The following MACROD2 variants were observed in gnomAD, a reference collection of about 807,000 sequenced individuals.
The protein encoded by MACROD2 is mono-ADP ribosylhydrolase 2, also known as ADP-ribose glycohydrolase MACROD2.
Under a neutral mutation model 70.4 loss-of-function variants are expected in MACROD2, and 36 were observed. The observed-to-expected ratio is 0.51, with a 90% CI of 0.39 to 0.68. The LOEUF is 0.68. Ranked by LOEUF, MACROD2 falls within the 30% of genes least tolerant of loss-of-function variation. MACROD2 has a pLI of 0.00. For missense variants in MACROD2, 496 were observed against 538.4 expected (o/e 0.92, Z 0.78); for synonymous variants, 172 against 178.8 (o/e 0.96, Z 0.30).
intron 3 of MACROD2, among the ~76,000 whole-genome samples, chr20:14,341,970 C>G (rs1284819989): frequency 6.6e-6 from 1 of 152,192 alleles, no homozygotes; most frequent in African/African-American, 2.4e-5. Context: ...AATAACAGTT[C>G]CACATATCAC....
Position 15,913,702 on chromosome 20 carries a change from A to G in MACROD2, c.776-19574A>G, listed in dbSNP as rs536473842. Reference sequence around the variant, plus strand: ...GGCTGTTGGCCATTTTTTCATCTCTAGGGTAATATATTTCTACTATAAAAT... The same window carrying G: ...GGCTGTTGGCCATTTTTTCATCTCTGGGGTAATATATTTCTACTATAAAAT... On this transcript the variant is annotated intron_variant, in intron 10 of 17. Transcript: ENST00000684519. Among the ~76,000 whole-genome samples, 3 of 152,236 alleles carry G rather than the reference A, an allele frequency of 2.0e-5. No individual in the cohort carries two copies. The East Asian group carries it at 5.8e-4, about 29-fold the overall frequency.
At chr20:16,000,542 G>GTC (rs977403673) in intron 15 of MACROD2, among the ~76,000 whole-genome samples, 20 of 152,128 alleles carry the variant, frequency 1.3e-4, no homozygotes, top group African/African-American at 4.8e-4. Flanking sequence ...GCTTTATCTG[G>GTC]TCAGTCTCAT....
At chr20:15,853,847 G>C (rs578232700) in intron 8 of MACROD2, among the ~76,000 whole-genome samples, 2 of 152,170 alleles carry the variant, frequency 1.3e-5, no homozygotes, top group African/African-American at 4.8e-5. Context: ...TAATTAGTAG[G>C]TGTGTTTTAA....
chr20:15,629,707 T>G (rs1046747602), intron 8 of MACROD2, among the ~76,000 whole-genome samples: 1 of 152,230 alleles, frequency 6.6e-6, no homozygotes, highest in Non-Finnish European at 1.5e-5. Flanking sequence ...TTGGATATTT[T>G]GAGGATTTTC....
chr20:14,370,076 T>G (rs1164264357), intron 3 of MACROD2, among the ~76,000 whole-genome samples: 3 of 152,202 alleles, frequency 2.0e-5, no homozygotes, highest in Non-Finnish European at 2.9e-5. Context: ...GACCTTATTA[T>G]TAGAGATAAA....
At chr20:14,954,607 G>T (rs7360013) in intron 5 of MACROD2, among the ~76,000 whole-genome samples, 126,482 of 128,900 alleles carry the variant, frequency 0.98, 62,062 homozygotes, top group East Asian at 1. Context: ...TAATTATATA[G>T]TTATTATATA....
chr20:14,157,152 C>A (rs975098124), intron 3 of MACROD2, among the ~76,000 whole-genome samples: 3 of 152,134 alleles, frequency 2.0e-5, no homozygotes, highest in Non-Finnish European at 4.4e-5. Flanking sequence ...GCAAGTGAGG[C>A]TCCCTATTCA....
chr20:15,534,685 A>G (rs1432900479), intron 8 of MACROD2, among the ~76,000 whole-genome samples: 4 of 152,214 alleles, frequency 2.6e-5, no homozygotes, highest in African/African-American at 7.2e-5. Flanking sequence ...TACAAATGTT[A>G]TAACCAACAG....
At chr20:15,336,258 A>G (rs2078046883) in intron 6 of MACROD2, among the ~76,000 whole-genome samples, 1 of 151,492 alleles carries the variant, frequency 6.6e-6, no homozygotes, top group African/African-American at 2.4e-5. Flanking sequence ...GATGAAGCTC[A>G]GTAGGTGGAG....
chr20:14,061,353 A>G (rs1304460321), intron 2 of MACROD2, among the ~76,000 whole-genome samples: 1 of 152,134 alleles, frequency 6.6e-6, no homozygotes, highest in Non-Finnish European at 1.5e-5. Flanking sequence ...AATCTACAGT[A>G]TTTTGGCAGG....
intron 6 of MACROD2, among the ~76,000 whole-genome samples, chr20:15,343,147 G>C (rs1259690649): frequency 6.6e-6 from 1 of 152,160 alleles, no homozygotes; most frequent in Non-Finnish European, 1.5e-5. Context: ...GGATCAGCCA[G>C]GCCTTCCGCT....
chr20:14,417,500 C>T (rs957387741), intron 3 of MACROD2, among the ~76,000 whole-genome samples: 1 of 152,194 alleles, frequency 6.6e-6, no homozygotes, highest in African/African-American at 2.4e-5. Context: ...CATTACCAGT[C>T]TTTCCTAATA....
chr20:14,035,284 A>T lies in MACROD2; in HGVS notation c.163+32880A>T, dbSNP rs75468121. 3.9e-3 allele frequency among the ~76,000 whole-genome samples: 596 copies of T among 152,310 alleles called. 2 individuals are homozygous for T. Among genetic ancestry groups the T allele is most frequent in the Middle Eastern group, 0.014 (4 of 294 alleles). ...AGCAGGCATTCTTGCCTTGACTTTA[A>T]TGCATTTTGTTATTCAGTGAGATTT... On this transcript the variant is annotated intron_variant, in intron 2 of 17. Coordinates refer to ENST00000684519, the MANE Select transcript of MACROD2 (RefSeq NM_001351661.2).
chr20:15,963,754 C>T (rs1474163402), intron 12 of MACROD2, among the ~76,000 whole-genome samples: 1 of 152,110 alleles, frequency 6.6e-6, no homozygotes, highest in African/African-American at 2.4e-5. Flanking sequence ...TTTGGAATTT[C>T]TGTTTTATGA....
At position 14,871,005 on chromosome 20, in the gene MACROD2, A is replaced by G. The variant is rs554694277; in HGVS notation, c.418+186046A>G. On this transcript the variant is annotated intron_variant, in intron 5 of 17. Coordinates refer to ENST00000684519, the MANE Select transcript of MACROD2 (RefSeq NM_001351661.2). ...TGTTGCAATTGCTTTTAGTGTCTTC[A>G]TCATGAAATCTTTGCCCATTCCTAT... Among the ~76,000 whole-genome samples the G allele has an allele frequency of 1.6e-4, 24 of 152,214 alleles. 1 individual carries two copies. Among genetic ancestry groups the G allele is most frequent in the Middle Eastern group, 3.4e-3 (1 of 294 alleles).
At chr20:14,665,870 C>G (rs78352747) in intron 4 of MACROD2, among the ~76,000 whole-genome samples, 1,731 of 152,174 alleles carry the variant, frequency 0.011, 17 homozygotes, top group Non-Finnish European at 0.019. Flanking sequence ...ATTATGCACT[C>G]CATATGAATG....
intron 8 of MACROD2, among the ~76,000 whole-genome samples, chr20:15,804,703 G>A (rs746629880): frequency 2.0e-5 from 3 of 152,252 alleles, no homozygotes; most frequent in Non-Finnish European, 4.4e-5. Flanking sequence ...AAATGTGTCA[G>A]TGCTTACCTA....
intron 13 of MACROD2, 125 bp from the exon 14 acceptor site, chr20:15,986,602 C>A: frequency 1.9e-6 from 1 of 526,228 alleles, no homozygotes. Context: ...TATCTTTGCC[C>A]TTTGGTTTCA....
At chr20:14,912,602 C>T (rs902454205) in intron 5 of MACROD2, among the ~76,000 whole-genome samples, 6 of 152,036 alleles carry the variant, frequency 3.9e-5, no homozygotes, top group Admixed American at 2.0e-4. Context: ...AGACAGTAAT[C>T]ATTGGAGGTG....
Sources: allele counts gnomAD v4.1 joint callset (sites outside exome capture counted in the v4.1 genomes callset), GRCh38; gene constraint gnomAD v4.1.1; transcripts MANE v1.5; gene names NCBI Gene and HGNC (gene_info 2026-07-23, HGNC 2026-07-21).